Variants in KAZN observed in about 807,000 individuals in gnomAD.
KAZN encodes the protein kazrin, periplakin interacting protein.
In KAZN, 40 loss-of-function variants were observed where a neutral mutation model predicts 87.4. The observed-to-expected ratio is 0.46, with a 90% CI of 0.36 to 0.60. The LOEUF is 0.60. KAZN is among the 20% of genes least tolerant of loss of function. KAZN has a pLI of 0.00. For missense variants in KAZN, 898 were observed against 1,073.9 expected (o/e 0.84, Z 2.29); for synonymous variants, 466 against 458.3 (o/e 1.02, Z -0.22).
Position 14,180,614 on chromosome 1 carries a change from TTCTC to T in KAZN, c.249+24_249+27del, listed in dbSNP as rs1453619677. 10 of 1,533,856 alleles carry T rather than the reference TTCTC, an allele frequency of 6.5e-6. No homozygotes were observed. In the East Asian group the frequency reaches 1.5e-4, roughly 23 times the overall value. ...TCAGGTACAAAGATCAATACAGAAA[TTCTC>T]TATGGAGAAGGTGGAATCTTTTTTT... is the stretch of plus-strand genomic sequence containing the variant. On this transcript the variant is annotated intron_variant, in intron 2 of 16. Transcript: ENST00000636203.
At chr1:14,492,495 CT>C (rs1397844528) in intron 2 of KAZN, among the ~76,000 whole-genome samples, 6 of 151,326 alleles carry the variant, frequency 4.0e-5, no homozygotes, top group Non-Finnish European at 8.8e-5. Context: ...CCTTATGAAG[CT>C]TCTGTTCTAC....
At chr1:14,009,269 A>G (rs1184053003) in intron 1 of KAZN, among the ~76,000 whole-genome samples, 1 of 152,220 alleles carries the variant, frequency 6.6e-6, no homozygotes, top group East Asian at 1.9e-4. Context: ...GAGCATACCC[A>G]TATGTACACG....
At chr1:14,474,966 G>A (rs1429046785) in intron 2 of KAZN, among the ~76,000 whole-genome samples, 6 of 152,136 alleles carry the variant, frequency 3.9e-5, no homozygotes, top group Admixed American at 3.3e-4. Flanking sequence ...TTGGATGGAT[G>A]GATAGATGGA....
intron 1 of KAZN, among the ~76,000 whole-genome samples, chr1:14,883,337 A>AGAGGGAGGGAGGGAGG (rs1653575133): frequency 2.9e-5 from 1 of 34,554 alleles, no homozygotes; most frequent in African/African-American, 7.6e-5. Flanking sequence ...AGAGAGAGAG[A>AGAGGGAGGGAGGGAGG]GAGAGAAAGA....
At chr1:14,582,467 T>C (rs560156757) in intron 2 of KAZN, among the ~76,000 whole-genome samples, 22 of 152,174 alleles carry the variant, frequency 1.4e-4, no homozygotes, top group Non-Finnish European at 2.9e-4. Context: ...GAATTTTTCA[T>C]TCCATCTCAC....
At chr1:14,230,610 G>T (rs972252819) in intron 2 of KAZN, among the ~76,000 whole-genome samples, 1 of 152,152 alleles carries the variant, frequency 6.6e-6, no homozygotes, top group African/African-American at 2.4e-5. Context: ...TCTAACTAGA[G>T]ATTTGGTTAA....
chr1:14,415,233 A>AT (rs1292257707), intron 2 of KAZN, among the ~76,000 whole-genome samples: 1 of 152,118 alleles, frequency 6.6e-6, no homozygotes, highest in African/African-American at 2.4e-5. Flanking sequence ...ATTATAAAAT[A>AT]TTTTTTTAAT....
rs190540230 is a variant in KAZN, at chr1:14,416,816, G to A, written c.250-182167G>A. 8.6e-5 allele frequency among the ~76,000 whole-genome samples: 13 copies of A among 152,040 alleles called. No homozygotes were observed. The East Asian group carries it at 2.5e-3, about 29-fold the overall frequency. ...GGGAAAAAAAACCCAGCTGCATGTG[G>A]TGGTGGCCCATGCTTGTAATTCCAG... On this transcript the variant is annotated intron_variant, in intron 2 of 16. Coordinates refer to the KAZN transcript ENST00000636203.
intron 2 of KAZN, among the ~76,000 whole-genome samples, chr1:14,478,023 C>A (rs140121991): frequency 1.8e-4 from 28 of 152,330 alleles, no homozygotes; most frequent in African/African-American, 6.7e-4. Flanking sequence ...AATCACCAAG[C>A]AGCACATTGT....
At chr1:14,312,997 A>G (rs13375586) in intron 2 of KAZN, among the ~76,000 whole-genome samples, 10,732 of 151,792 alleles carry the variant, frequency 0.071, 531 homozygotes, top group Non-Finnish European at 0.11. Context: ...TGAGATTGTA[A>G]ATATTGTTTC....
At chr1:14,845,285 G>A (rs1469840614) in intron 1 of KAZN, among the ~76,000 whole-genome samples, 4 of 151,006 alleles carry the variant, frequency 2.6e-5, no homozygotes, top group Admixed American at 2.6e-4. Flanking sequence ...ATGAGTGAGT[G>A]GGGGTGGATG....
At chr1:14,525,131 T>C (rs1016789117) in intron 2 of KAZN, among the ~76,000 whole-genome samples, 4 of 152,236 alleles carry the variant, frequency 2.6e-5, no homozygotes, top group African/African-American at 9.6e-5. Flanking sequence ...TGTATATGTA[T>C]GGACGTGTGT....
chr1:14,359,592 T>C (rs1303227672), intron 2 of KAZN, among the ~76,000 whole-genome samples: 1 of 152,212 alleles, frequency 6.6e-6, no homozygotes, highest in Admixed American at 6.5e-5. Context: ...CCTTTCCATA[T>C]TTAGTGAGTC....
intron 2 of KAZN, among the ~76,000 whole-genome samples, chr1:14,341,684 C>T (rs188716779): frequency 6.6e-6 from 1 of 152,264 alleles, no homozygotes; most frequent in East Asian, 1.9e-4. Flanking sequence ...GGGAGGCCCT[C>T]CTAGCACCCA....
intron 2 of KAZN, among the ~76,000 whole-genome samples, chr1:14,973,468 CT>C (rs1408486721): frequency 3.3e-5 from 5 of 152,202 alleles, no homozygotes; most frequent in African/African-American, 1.2e-4. Flanking sequence ...AGTCCTGCCC[CT>C]GTACCCTTTC....
intron 2 of KAZN, among the ~76,000 whole-genome samples, chr1:14,394,845 T>C (rs1303659497): frequency 1.3e-5 from 2 of 152,218 alleles, no homozygotes; most frequent in African/African-American, 4.8e-5. Flanking sequence ...CAGTATTGGA[T>C]AAGTTAGACT....
chr1:14,277,871 A>G (rs1269202054), intron 2 of KAZN, among the ~76,000 whole-genome samples: 1 of 152,130 alleles, frequency 6.6e-6, no homozygotes, highest in Middle Eastern at 3.2e-3. Context: ...CTACTGCATT[A>G]GGGGTAGAGA....
At chr1:14,658,643 A>T (rs1006434519) in intron 1 of KAZN, among the ~76,000 whole-genome samples, 1 of 152,166 alleles carries the variant, frequency 6.6e-6, no homozygotes, top group African/African-American at 2.4e-5. Flanking sequence ...CCACTTTGGG[A>T]CAGGGAGTTT....
At chr1:14,738,968 T>C (rs1644002296) in intron 1 of KAZN, among the ~76,000 whole-genome samples, 1 of 152,104 alleles carries the variant, frequency 6.6e-6, no homozygotes, top group Non-Finnish European at 1.5e-5. Context: ...GGGCCATGGA[T>C]TCAAGACCAA....
Sources: allele counts gnomAD v4.1 joint callset (sites outside exome capture counted in the v4.1 genomes callset), GRCh38; gene constraint gnomAD v4.1.1; transcripts MANE v1.5; gene names NCBI Gene and HGNC (gene_info 2026-07-23, HGNC 2026-07-21).